TMEM178B: variants seen among roughly 807,000 people sequenced by gnomAD.
The protein encoded by TMEM178B is transmembrane protein 178B.
A neutral mutation model predicts 31.0 loss-of-function variants in TMEM178B; 5 were observed. That is an observed-to-expected ratio of 0.16 (90% CI 0.08 to 0.34). The LOEUF is 0.34. Ranked by LOEUF, TMEM178B falls within the 10% of genes least tolerant of loss-of-function variation. TMEM178B has a pLI of 1.00. For missense variants in TMEM178B, 275 were observed against 400.3 expected (o/e 0.69, Z 2.67); for synonymous variants, 164 against 164.0 (o/e 1.00, Z 0.00).
intron 2 of TMEM178B, among the ~76,000 whole-genome samples, chr7:141,383,763 T>A (rs906153679): frequency 2.6e-5 from 4 of 152,234 alleles, no homozygotes; most frequent in African/African-American, 9.6e-5. Flanking sequence ...AAATGGTATT[T>A]CTAGTTCTAG....
chr7:141,182,239 TGA>T (rs1796541284), intron 1 of TMEM178B, among the ~76,000 whole-genome samples: 1 of 152,114 alleles, frequency 6.6e-6, no homozygotes, highest in South Asian at 2.1e-4. Context: ...CCACCACGAT[TGA>T]GAAGGCCTGC....
intron 2 of TMEM178B, among the ~76,000 whole-genome samples, chr7:141,309,772 A>C (rs1168805523): frequency 2.0e-5 from 3 of 152,218 alleles, no homozygotes; most frequent in African/African-American, 7.2e-5. Context: ...TTGCACACAG[A>C]TCTTGTCTGC....
Position 141,344,646 on chromosome 7 carries a change from T to G in TMEM178B, c.497-92962T>G, listed in dbSNP as rs770819995. ...TTCCTTCCTCCCTTCCTTCTTCCCTTCATCAAAAGACCTCTCAGAGGGAGG... is the reference window on the plus strand; with the variant it reads ...TTCCTTCCTCCCTTCCTTCTTCCCTGCATCAAAAGACCTCTCAGAGGGAGG... On this transcript the variant is annotated intron_variant, in intron 2 of 3. Transcript: ENST00000565468. The surrounding 1 kb of genome is among the most constrained non-coding windows in gnomAD (Gnocchi z 4.1). Among the ~76,000 whole-genome samples, 4 of 142,496 alleles carry G rather than the reference T, an allele frequency of 2.8e-5. No homozygotes were observed. Among genetic ancestry groups the G allele is most frequent in the Non-Finnish European group, 6.1e-5 (4 of 65,922 alleles). 93.5% of individuals were successfully genotyped at this position (142,496 alleles called of 152,430 possible). A position where few individuals can be genotyped will look rare whatever the true frequency, so the allele number is the denominator to read the frequency against.
In TMEM178B at chr7:141,328,045, G is replaced by A. The variant is rs539723788; in HGVS notation, c.497-109563G>A. Among the ~76,000 whole-genome samples the A allele has an allele frequency of 2.1e-3, 317 of 152,220 alleles. 2 individuals carry two copies. The highest frequency in any genetic ancestry group is 6.8e-3 in the Middle Eastern group (2 of 294). On this transcript the variant is annotated intron_variant, in intron 2 of 3. Transcript: ENST00000565468. ...GAAGTGGAGCAGTGAATCTTTCAAG[G>A]ATCTTAACTGGACCTGGTATCATTC...
intron 2 of TMEM178B, among the ~76,000 whole-genome samples, chr7:141,240,491 A>T (rs1268315678): frequency 6.6e-6 from 1 of 152,224 alleles, no homozygotes; most frequent in East Asian, 1.9e-4. Context: ...TCTTCCATGG[A>T]TGATGACACC....
the TMEM178B span, among the ~76,000 whole-genome samples, chr7:141,490,857 C>T: frequency 2.0e-5 from 3 of 152,180 alleles, no homozygotes; most frequent in Non-Finnish European, 4.4e-5. Context: ...TAATTCACTC[C>T]TCACCATGTC....
chr7:141,095,415 G>A (rs183561601), intron 1 of TMEM178B, among the ~76,000 whole-genome samples: 1 of 152,300 alleles, frequency 6.6e-6, no homozygotes, highest in Admixed American at 6.5e-5. Flanking sequence ...CTGTAAACAA[G>A]TAGATTCTTA....
intron 2 of TMEM178B, among the ~76,000 whole-genome samples, chr7:141,269,556 A>G (rs2116376461): frequency 6.6e-6 from 1 of 152,338 alleles, no homozygotes. Flanking sequence ...CTTGAGCTTG[A>G]TGGAGCTATG....
intron 2 of TMEM178B, among the ~76,000 whole-genome samples, chr7:141,336,871 C>T (rs1317231160): frequency 1.3e-4 from 18 of 143,288 alleles, no homozygotes; most frequent in African/African-American, 4.8e-4. Flanking sequence ...CCATCATCAT[C>T]ACCACCACCA....
At chr7:141,367,070 A>T (rs115238903) in intron 2 of TMEM178B, among the ~76,000 whole-genome samples, 1 of 115,268 alleles carries the variant, frequency 8.7e-6, no homozygotes, top group African/African-American at 3.3e-5. Flanking sequence ...ATTCAGGGGG[A>T]GCCACATGAC....
chr7:141,301,812 G>T (rs957601638), intron 2 of TMEM178B, among the ~76,000 whole-genome samples: 4 of 152,162 alleles, frequency 2.6e-5, no homozygotes, highest in Non-Finnish European at 5.9e-5. Flanking sequence ...AGAACTCAAG[G>T]GAGCCCCGGG....
intron 2 of TMEM178B, among the ~76,000 whole-genome samples, chr7:141,275,509 T>C (rs1364541304): frequency 1.3e-5 from 2 of 152,134 alleles, no homozygotes; most frequent in Non-Finnish European, 2.9e-5. Flanking sequence ...TAGTTGGCAA[T>C]AATCCTTTGA....
intron 1 of TMEM178B, among the ~76,000 whole-genome samples, chr7:141,201,116 G>A (rs1796870090): frequency 6.6e-6 from 1 of 152,142 alleles, no homozygotes; most frequent in African/African-American, 2.4e-5. Flanking sequence ...CACATGAAGG[G>A]GCAGAGTTGG....
intron 1 of TMEM178B, among the ~76,000 whole-genome samples, chr7:141,083,669 G>A (rs1260756692): frequency 6.6e-6 from 1 of 152,158 alleles, no homozygotes; most frequent in East Asian, 1.9e-4. Context: ...GTGATTTGCA[G>A]TTCAGGGTTT....
chr7:141,192,554 T>A (rs973452359), intron 1 of TMEM178B, among the ~76,000 whole-genome samples: 2 of 151,814 alleles, frequency 1.3e-5, no homozygotes, highest in Non-Finnish European at 2.9e-5. Flanking sequence ...AGTGGGGCGA[T>A]CTTGGCTCGT....
At chr7:141,352,792 C>T (rs1413645335) in intron 2 of TMEM178B, 2 of 152,730 alleles carry the variant, frequency 1.3e-5, no homozygotes, top group Non-Finnish European at 1.5e-5. Context: ...GTTCCCCCTG[C>T]GCTATGTGGC....
intron 2 of TMEM178B, among the ~76,000 whole-genome samples, chr7:141,252,004 A>G (rs1035034354): frequency 1.3e-5 from 2 of 152,218 alleles, no homozygotes; most frequent in Admixed American, 6.5e-5. Context: ...TGTTTGCTTA[A>G]GGCTTAAAAA....
At chr7:141,199,986 G>A (rs1796850015) in intron 1 of TMEM178B, among the ~76,000 whole-genome samples, 1 of 152,026 alleles carries the variant, frequency 6.6e-6, no homozygotes, top group East Asian at 1.9e-4. Context: ...AGGAGGCGGA[G>A]CTTGCAGTGA....
chr7:141,121,839 C>G lies in TMEM178B; in HGVS notation c.382+47147C>G, dbSNP rs192082230. Among the ~76,000 whole-genome samples the G allele has an allele frequency of 4.9e-3, 740 of 152,272 alleles. 6 individuals are homozygous for G. The highest frequency in any genetic ancestry group is 0.017 in the African/African-American group (712 of 41,564). On this transcript the variant is annotated intron_variant, in intron 1 of 3. Transcript: ENST00000565468. ...GGAGATGAATCTCCCTTCTTTTTAGCACCCCCTTTTTGACTTGCTGAGCTT... is the reference window on the plus strand; with the variant it reads ...GGAGATGAATCTCCCTTCTTTTTAGGACCCCCTTTTTGACTTGCTGAGCTT...
Sources: allele counts gnomAD v4.1 joint callset (sites outside exome capture counted in the v4.1 genomes callset), GRCh38; gene constraint gnomAD v4.1.1; non-coding constraint Gnocchi (gnomAD v3.1); transcripts MANE v1.5; gene names NCBI Gene and HGNC (gene_info 2026-07-23, HGNC 2026-07-21).